The following LRRC4C variants were observed in gnomAD, a reference collection of about 807,000 sequenced individuals.
LRRC4C encodes the protein leucine rich repeat containing 4C.
In LRRC4C, 5 loss-of-function variants were observed where a neutral mutation model predicts 33.6. The observed-to-expected ratio is 0.15, with a 90% CI of 0.08 to 0.31. LRRC4C has a LOEUF of 0.31. Among genes scored for constraint, LRRC4C ranks in the 10% least tolerant of loss-of-function variants. The probability of loss-of-function intolerance (pLI) is 1.00; values close to 1 mark genes in which losing one functional copy is unlikely to be tolerated. For synonymous variants in LRRC4C, 329 were observed against 302.0 expected (o/e 1.09, Z -0.93); for missense variants, 560 against 796.7 (o/e 0.70, Z 3.58).
chr11:41,102,348 G>T (rs1304808367), intron 1 of LRRC4C, among the ~76,000 whole-genome samples: 1 of 151,466 alleles, frequency 6.6e-6, no homozygotes, highest in Non-Finnish European at 1.5e-5. Flanking sequence ...TAGTACTCTT[G>T]TCTGGTGGCT....
At chr11:40,597,380 C>G (rs755363296) in intron 3 of LRRC4C, among the ~76,000 whole-genome samples, 1 of 152,106 alleles carries the variant, frequency 6.6e-6, no homozygotes, top group Non-Finnish European at 1.5e-5. Context: ...CTTTGTGTTA[C>G]TTTTGCGTGC....
rs1024047244 is a variant in LRRC4C at position 40,977,702 on chromosome 11, T to G, written c.-495-43979A>C. 1.4e-4 allele frequency among the ~76,000 whole-genome samples: 21 copies of G among 152,326 alleles called. 1 individual carries two copies. The highest frequency in any genetic ancestry group is 4.3e-4 in the African/African-American group (18 of 41,576). On this transcript the variant is annotated intron_variant, in intron 1 of 6. Transcript: ENST00000528697. ...CTGTCCCCTACTTCTGCTTTATAGC[T>G]TTATTTGACTGTCTGACAAGTGCCT...
intron 3 of LRRC4C, among the ~76,000 whole-genome samples, chr11:40,575,074 G>A (rs1194901991): frequency 2.0e-5 from 3 of 152,114 alleles, no homozygotes; most frequent in African/African-American, 4.8e-5. Flanking sequence ...GCTCATGCAG[G>A]AGCTCCAGTT....
intron 1 of LRRC4C, among the ~76,000 whole-genome samples, chr11:41,251,980 A>G (rs555770762): frequency 6.6e-6 from 1 of 152,340 alleles, no homozygotes; most frequent in East Asian, 1.9e-4. Flanking sequence ...GACACACTTC[A>G]GATATATGCA....
intron 3 of LRRC4C, among the ~76,000 whole-genome samples, chr11:40,443,118 A>T (rs1590751177): frequency 6.6e-6 from 1 of 152,188 alleles, no homozygotes; most frequent in African/African-American, 2.4e-5. Context: ...CTGGTTCAGT[A>T]TATGATCAAT....
intron 1 of LRRC4C, among the ~76,000 whole-genome samples, chr11:40,956,096 A>C (rs1958943277): frequency 6.6e-6 from 1 of 151,800 alleles, no homozygotes; most frequent in African/African-American, 2.4e-5. Context: ...AGCGAGGTTG[A>C]GGGCTCTTGA....
At position 40,690,715 on chromosome 11, in the gene LRRC4C, AC is replaced by A. The variant is rs376139420; in HGVS notation, c.-406-42438del. On this transcript the variant is annotated intron_variant, in intron 2 of 6. Coordinates refer to ENST00000528697, the MANE Select transcript of LRRC4C (RefSeq NM_001258419.2). ...TGAAATTAGTGTAATTATCTACAAC[AC>A]TGTACCAAAGGCTTATAAAAAGAGA... 4.5e-3 allele frequency among the ~76,000 whole-genome samples: 678 copies of A among 152,182 alleles called. 7 individuals carry two copies. Among genetic ancestry groups the A allele is most frequent in the African/African-American group, 0.016 (650 of 41,522 alleles).
chr11:40,307,492 G>T (rs1165118655), intron 4 of LRRC4C, among the ~76,000 whole-genome samples: 1 of 152,048 alleles, frequency 6.6e-6, no homozygotes, highest in Admixed American at 6.5e-5. Context: ...TTTTCCTAGG[G>T]GAAGTTTCCC....
At position 40,556,580 on chromosome 11, in the gene LRRC4C, G is replaced by A. The variant is rs12271572; in HGVS notation, c.-270+91562C>T. ...AACTGATCCTCTCATTTCTGTGTCT[G>A]CTACAGATTGTAAATCACTGGCTCT... On this transcript the variant is annotated intron_variant, in intron 3 of 6. Coordinates refer to ENST00000528697, the MANE Select transcript of LRRC4C (RefSeq NM_001258419.2). 6.8e-3 allele frequency among the ~76,000 whole-genome samples: 1,031 copies of A among 152,254 alleles called. 19 individuals carry two copies. Among genetic ancestry groups the A allele is most frequent in the African/African-American group, 0.024 (987 of 41,544 alleles).
chr11:41,015,808 A>G (rs1386790476), intron 1 of LRRC4C, among the ~76,000 whole-genome samples: 3 of 152,184 alleles, frequency 2.0e-5, no homozygotes, highest in Admixed American at 6.5e-5. Context: ...AACAGCATAC[A>G]TGGACCTGGA....
chr11:40,620,576 T>C (rs1419696384), intron 3 of LRRC4C, among the ~76,000 whole-genome samples: 1 of 151,788 alleles, frequency 6.6e-6, no homozygotes, highest in Non-Finnish European at 1.5e-5. Context: ...TTGTGGAACA[T>C]GAAATAATAC....
chr11:40,971,535 G>T lies in LRRC4C; in HGVS notation c.-495-37812C>A, dbSNP rs140983363. On this transcript the variant is annotated intron_variant, in intron 1 of 6. Transcript: ENST00000528697. Reference sequence around the variant, plus strand: ...GATGTCCATGCAGAAGCCTGCTTTGGGGGTGGAGTCCTCACAGAGAACCTC... The same window carrying T: ...GATGTCCATGCAGAAGCCTGCTTTGTGGGTGGAGTCCTCACAGAGAACCTC... 2.6e-4 allele frequency among the ~76,000 whole-genome samples: 39 copies of T among 152,306 alleles called. No individual in the cohort carries two copies. In the East Asian group the frequency reaches 7.2e-3, roughly 28 times the overall value.
chr11:40,670,979 T>A (rs188651530), intron 2 of LRRC4C, among the ~76,000 whole-genome samples: 3 of 152,212 alleles, frequency 2.0e-5, no homozygotes, highest in South Asian at 2.1e-4. Context: ...TAGCCAGGAT[T>A]GTCTCAATCT....
intron 4 of LRRC4C, among the ~76,000 whole-genome samples, chr11:40,319,427 T>C (rs564729026): frequency 6.6e-6 from 1 of 152,344 alleles, no homozygotes; most frequent in South Asian, 2.1e-4. Flanking sequence ...TATTTAATGC[T>C]GTAGTTAAAT....
chr11:40,713,020 C>G (rs1232285367), intron 2 of LRRC4C, among the ~76,000 whole-genome samples: 1 of 150,738 alleles, frequency 6.6e-6, no homozygotes, highest in African/African-American at 2.4e-5. Context: ...TCCGGAGTAG[C>G]TGGGACTGCA....
intron 1 of LRRC4C, among the ~76,000 whole-genome samples, chr11:41,072,310 T>C (rs566471953): frequency 9.3e-3 from 9 of 970 alleles, no homozygotes; most frequent in Admixed American, 0.033. Context: ...AAAAAGATTA[T>C]GACTTGTTGA....
At chr11:40,413,385 G>A (rs1950218589) in intron 3 of LRRC4C, among the ~76,000 whole-genome samples, 1 of 152,060 alleles carries the variant, frequency 6.6e-6, no homozygotes, top group Non-Finnish European at 1.5e-5. Context: ...TTCCCTGCCT[G>A]AAGTATTCTT....
In LRRC4C at chr11:40,905,954, A is replaced by G. The variant is rs1956395927; in HGVS notation, c.-407+27681T>C. On this transcript the variant is annotated intron_variant, in intron 2 of 6. Coordinates refer to ENST00000528697, the MANE Select transcript of LRRC4C (RefSeq NM_001258419.2). ...GTAAAATTCTATCAAACAGCATTGC[A>G]TTCTACAGAGAAATTTTTGTGAAAG... Among the ~76,000 whole-genome samples, 2 of 152,202 alleles carry G rather than the reference A, an allele frequency of 1.3e-5. 1 individual carries two copies. Among genetic ancestry groups the G allele is most frequent in the South Asian group, 4.1e-4 (2 of 4,828 alleles).
At chr11:40,155,575 A>G (rs1416180675) in intron 5 of LRRC4C, among the ~76,000 whole-genome samples, 8 of 152,176 alleles carry the variant, frequency 5.3e-5, no homozygotes, top group Non-Finnish European at 7.4e-5. Context: ...TACCATGAAT[A>G]CCTTTATGCA....
Sources: allele counts gnomAD v4.1 joint callset (sites outside exome capture counted in the v4.1 genomes callset), GRCh38; gene constraint gnomAD v4.1.1; transcripts MANE v1.5; gene names NCBI Gene and HGNC (gene_info 2026-07-23, HGNC 2026-07-21).